The following SLC25A48 variants were observed in gnomAD, a reference collection of about 807,000 sequenced individuals.
The protein encoded by SLC25A48 is solute carrier family 25 member 48, also known as CTC-321K16.1.
A neutral mutation model predicts 32.2 loss-of-function variants in SLC25A48; 29 were observed. The ratio of observed to expected loss-of-function variants is 0.90; its 90% confidence interval spans 0.67 to 1.23. The LOEUF (loss-of-function observed/expected upper bound fraction) is 1.23. Among genes scored for constraint, SLC25A48 ranks in the 50% most tolerant of loss-of-function variants. The pLI is 0.00. For synonymous variants in SLC25A48, 164 were observed against 172.3 expected (o/e 0.95, Z 0.38); for missense variants, 399 against 422.7 (o/e 0.94, Z 0.49).
chr5:135,683,238 G>A (rs1753941552), intron 3 of SLC25A48, among the ~76,000 whole-genome samples: 1 of 152,146 alleles, frequency 6.6e-6, no homozygotes, highest in South Asian at 2.1e-4. Flanking sequence ...AGGGCAGGGG[G>A]GCAGAGAGTT....
chr5:135,692,350 C>T (rs1281632377), intron 3 of SLC25A48, among the ~76,000 whole-genome samples: 5 of 147,110 alleles, frequency 3.4e-5, no homozygotes, highest in Non-Finnish European at 4.5e-5. Context: ...GTCAGTAGCT[C>T]GTGCTAGTTC....
In SLC25A48 at chr5:135,888,379, G is replaced by A. The variant is rs916717650; in HGVS notation, c.*355G>A. 3 of 308,924 alleles carry A rather than the reference G, an allele frequency of 9.7e-6. No homozygotes were observed. In the Admixed American group the frequency reaches 1.3e-4, roughly 13 times the overall value. 19.1% of individuals were successfully genotyped at this position (308,924 alleles called of 1,614,324 possible). A position where few individuals can be genotyped will look rare whatever the true frequency, so the allele number is the denominator to read the frequency against. On this transcript the variant is annotated 3_prime_UTR_variant, in exon 8 of 8. Transcript: ENST00000681962. ...CACTCCTCTGTCTGAGGATGGGGAG[G>A]GGCCAGTGAGCTCTGGGCTCAGCCA...
chr5:135,614,339 A>G (rs565463099), intron 1 of SLC25A48, among the ~76,000 whole-genome samples: 1 of 152,332 alleles, frequency 6.6e-6, no homozygotes, highest in Non-Finnish European at 1.5e-5. Context: ...TTTTCTAGAT[A>G]TAATATCATA....
chr5:135,668,325 G>A (rs547075328), intron 3 of SLC25A48, among the ~76,000 whole-genome samples: 28 of 152,306 alleles, frequency 1.8e-4, no homozygotes, highest in African/African-American at 6.5e-4. Context: ...AAAGTTAAAT[G>A]TAACCTTATA....
chr5:135,768,474 T>C (rs1756307701), intron 3 of SLC25A48, among the ~76,000 whole-genome samples: 1 of 151,252 alleles, frequency 6.6e-6, no homozygotes, highest in Non-Finnish European at 1.5e-5. Context: ...TCCCAGGGAG[T>C]GTACACCTTT....
chr5:135,749,666 A>G (rs1463152671), intron 3 of SLC25A48, among the ~76,000 whole-genome samples: 2 of 152,032 alleles, frequency 1.3e-5, no homozygotes, highest in Non-Finnish European at 2.9e-5. Flanking sequence ...ATCTTGGCTC[A>G]CTGCAACCTC....
At chr5:135,717,031 A>T (rs1006983127) in intron 3 of SLC25A48, among the ~76,000 whole-genome samples, 1 of 152,182 alleles carries the variant, frequency 6.6e-6, no homozygotes, top group Non-Finnish European at 1.5e-5. Flanking sequence ...GCAACCCCCA[A>T]GCATGATGTT....
intron 1 of SLC25A48, among the ~76,000 whole-genome samples, chr5:135,838,103 GA>G (rs1758682613): frequency 6.6e-6 from 1 of 152,230 alleles, no homozygotes; most frequent in Non-Finnish European, 1.5e-5. Flanking sequence ...AGATGGAGAT[GA>G]GGAACTTGTT....
At chr5:135,613,316 A>G (rs1403364357) in intron 1 of SLC25A48, among the ~76,000 whole-genome samples, 1 of 152,114 alleles carries the variant, frequency 6.6e-6, no homozygotes, top group East Asian at 1.9e-4. Flanking sequence ...TTTCTTGTAT[A>G]TTGTAGACAT....
At chr5:135,852,417 C>G (rs539269407) in intron 3 of SLC25A48, 146 bp from the exon 4 acceptor site, 1 of 994,160 alleles carries the variant, frequency 1.0e-6, no homozygotes, top group Admixed American at 2.5e-5. Context: ...GTTCCCCACC[C>G]CCTACCTCCT....
chr5:135,627,714 G>T (rs938907013), intron 1 of SLC25A48, among the ~76,000 whole-genome samples: 11 of 151,190 alleles, frequency 7.3e-5, no homozygotes, highest in African/African-American at 2.4e-4. Context: ...AGCCACTGGT[G>T]GTATAGTCAC....
At chr5:135,649,351 T>A (rs12514949) in intron 3 of SLC25A48, 8,845 of 152,154 alleles carry the variant, frequency 0.058, 470 homozygotes, top group African/African-American at 0.14. Context: ...GGGACATGAG[T>A]CTATAAGGCT....
intron 3 of SLC25A48, among the ~76,000 whole-genome samples, chr5:135,661,533 C>CA (rs1753397042): frequency 1.3e-5 from 2 of 152,104 alleles, no homozygotes; most frequent in Admixed American, 1.3e-4. Flanking sequence ...TTAAATCCCA[C>CA]AAAAAACATG....
chr5:135,631,904 A>G (rs539115310), intron 2 of SLC25A48, among the ~76,000 whole-genome samples: 1 of 152,310 alleles, frequency 6.6e-6, no homozygotes, highest in South Asian at 2.1e-4. Context: ...TTTATCTATA[A>G]CACTGTTAAG....
intron 3 of SLC25A48, among the ~76,000 whole-genome samples, chr5:135,794,055 G>T (rs1170939424): frequency 6.6e-6 from 1 of 151,802 alleles, no homozygotes; most frequent in Non-Finnish European, 1.5e-5. Context: ...CACAGGATTT[G>T]TACACCTCCC....
At chr5:135,589,945 C>T (rs1751472113) in intron 1 of SLC25A48, among the ~76,000 whole-genome samples, 2 of 152,224 alleles carry the variant, frequency 1.3e-5, no homozygotes, top group Non-Finnish European at 2.9e-5. Flanking sequence ...ATCCACCCAC[C>T]TCAGCCTCCC....
chr5:135,817,103 G>A (rs1241814867), intron 4 of SLC25A48, among the ~76,000 whole-genome samples: 1 of 152,236 alleles, frequency 6.6e-6, no homozygotes, highest in Non-Finnish European at 1.5e-5. Context: ...ATTTATAGCA[G>A]CAGTGCTCAA....
intron 4 of SLC25A48, among the ~76,000 whole-genome samples, chr5:135,829,186 T>C (rs1758141987): frequency 6.6e-6 from 1 of 152,214 alleles, no homozygotes; most frequent in South Asian, 2.1e-4. Flanking sequence ...CTGTCAGCAC[T>C]CAAACTCCTC....
chr5:135,584,506 A>G (rs578177059), intron 1 of SLC25A48, among the ~76,000 whole-genome samples: 62 of 152,350 alleles, frequency 4.1e-4, no homozygotes, highest in African/African-American at 1.4e-3. Context: ...CAAAGCTGAT[A>G]ATGGTAAAGT....
Sources: gnomAD v4.1 joint callset for allele counts (sites outside exome capture counted in the v4.1 genomes callset) on GRCh38, gnomAD v4.1.1 for gene constraint, MANE v1.5 for transcripts, NCBI Gene and HGNC (gene_info 2026-07-23, HGNC 2026-07-21) for gene names.